CYP19A1: variants seen among roughly 807,000 people sequenced by gnomAD.
The protein encoded by CYP19A1 is cytochrome P450 family 19 subfamily A member 1.
CYP19A1 carries 32 observed loss-of-function variants against 44.4 expected under a neutral mutation model. That is an observed-to-expected ratio of 0.72 (90% CI 0.54 to 0.97). The LOEUF (loss-of-function observed/expected upper bound fraction) is 0.97. CYP19A1 is among the 50% of genes least tolerant of loss of function. The probability of loss-of-function intolerance (pLI) is 0.00; values close to 1 mark genes in which losing one functional copy is unlikely to be tolerated. For synonymous variants in CYP19A1, 212 were observed against 215.6 expected (o/e 0.98, Z 0.14); for missense variants, 598 against 637.8 (o/e 0.94, Z 0.67).
intron 1 of CYP19A1, among the ~76,000 whole-genome samples, chr15:51,333,392 T>G (rs2036730937): frequency 6.6e-6 from 1 of 152,060 alleles, no homozygotes; most frequent in African/African-American, 2.4e-5. Flanking sequence ...CCTGTACAAC[T>G]CCCTTACCTC....
intron 3 of CYP19A1, among the ~76,000 whole-genome samples, chr15:51,232,187 C>G (rs2033087292): frequency 6.6e-6 from 1 of 152,188 alleles, no homozygotes; most frequent in Admixed American, 6.5e-5. Context: ...TGATTCTTCT[C>G]CCCCGATTCT....
chr15:51,216,898 T>C (rs2031630143), intron 6 of CYP19A1, among the ~76,000 whole-genome samples: 1 of 152,176 alleles, frequency 6.6e-6, no homozygotes, highest in South Asian at 2.1e-4. Flanking sequence ...TTAATCTAAA[T>C]TCAATTTTTC....
intron 1 of CYP19A1, among the ~76,000 whole-genome samples, chr15:51,330,601 A>G (rs2036685077): frequency 6.6e-6 from 1 of 152,188 alleles, no homozygotes; most frequent in African/African-American, 2.4e-5. Context: ...TGGTGGTCAG[A>G]GGCCTCGGCA....
chr15:51,306,609 A>G (rs1222853892), intron 1 of CYP19A1, among the ~76,000 whole-genome samples: 1 of 152,224 alleles, frequency 6.6e-6, no homozygotes, highest in African/African-American at 2.4e-5. Flanking sequence ...TTTTAATGAC[A>G]AAGTTATCTT....
At chr15:51,223,693 G>A (rs957654116) in intron 4 of CYP19A1, among the ~76,000 whole-genome samples, 6 of 150,804 alleles carry the variant, frequency 4.0e-5, no homozygotes, top group Non-Finnish European at 7.4e-5. Flanking sequence ...TAAGAAAGGA[G>A]GCCTGAGGAC....
Position 51,212,551 on chromosome 15 carries a change from GTC to G in CYP19A1, c.1030_1031del (p.Asp344HisfsTer4). 6.7e-7 allele frequency: 1 copy of G among 1,482,646 alleles called. No individual in the cohort carries two copies. Among genetic ancestry groups the G allele is most frequent in the South Asian group, 1.1e-5 (1 of 88,392 alleles). 91.8% of individuals were successfully genotyped at this position (1,482,646 alleles called of 1,614,324 possible). On this transcript the variant is annotated frameshift_variant, in exon 9 of 10. Transcript: ENST00000396402. LOFTEE classifies it high-confidence loss of function. The part of the protein sequence containing the change: ...KEIQTVIGER[D>X]IKIDDIQKLK... ...ATTTTTGTATATCATCAATCTTTAT[GTC>G]TCTCTCACCTGTGGAAACAGATAAA...
In CYP19A1 at chr15:51,258,303, T is replaced by C. The variant is rs557649690; in HGVS notation, c.-38-15353A>G. On this transcript the variant is annotated intron_variant, in intron 1 of 9. Transcript: ENST00000396402. Reference sequence around the variant, plus strand: ...TTGCACACTTCCAAATCACAGTTCCTAGCCCACAGCACTTGTTGTTCTCTC... The same window carrying C: ...TTGCACACTTCCAAATCACAGTTCCCAGCCCACAGCACTTGTTGTTCTCTC... Among the ~76,000 whole-genome samples, 3 of 152,354 alleles carry C rather than the reference T, an allele frequency of 2.0e-5. No individual in the cohort carries two copies. In the South Asian group the frequency reaches 6.2e-4, roughly 32 times the overall value.
intron 1 of CYP19A1, chr15:51,280,053 A>G (rs1640836313): frequency 6.6e-6 from 1 of 152,118 alleles, no homozygotes; most frequent in South Asian, 2.1e-4. Context: ...GGCTCCCTCC[A>G]TAAGAGCCCG....
chr15:51,315,408 AC>A (rs1257927532), intron 1 of CYP19A1, among the ~76,000 whole-genome samples: 1 of 151,530 alleles, frequency 6.6e-6, no homozygotes, highest in Non-Finnish European at 1.5e-5. Context: ...CCCAGTCTAC[AC>A]CCAGAGTACC....
intron 1 of CYP19A1, among the ~76,000 whole-genome samples, chr15:51,291,958 T>C (rs1237297907): frequency 6.6e-6 from 1 of 151,812 alleles, no homozygotes; most frequent in Admixed American, 6.6e-5. Flanking sequence ...ACAAATAGGG[T>C]GGGAAAACAA....
intron 1 of CYP19A1, among the ~76,000 whole-genome samples, chr15:51,295,241 C>A (rs73405452): frequency 6.7e-6 from 1 of 150,220 alleles, no homozygotes; most frequent in Non-Finnish European, 1.5e-5. Flanking sequence ...AAGGATCATA[C>A]ATTATTCTTT....
At chr15:51,271,597 C>T (rs994505479) in intron 1 of CYP19A1, among the ~76,000 whole-genome samples, 5 of 152,190 alleles carry the variant, frequency 3.3e-5, no homozygotes, top group African/African-American at 1.2e-4. Context: ...GGTAGCTAAG[C>T]CTTAGACTTC....
intron 1 of CYP19A1, among the ~76,000 whole-genome samples, chr15:51,250,370 T>G (rs1163912063): frequency 1.3e-5 from 2 of 152,214 alleles, no homozygotes; most frequent in Non-Finnish European, 2.9e-5. Flanking sequence ...TTCTTCACAA[T>G]GACTTATTGG....
intron 1 of CYP19A1, among the ~76,000 whole-genome samples, chr15:51,277,781 A>G (rs1226124955): frequency 1.3e-5 from 2 of 152,194 alleles, no homozygotes; most frequent in Non-Finnish European, 2.9e-5. Flanking sequence ...ATGCCAATGA[A>G]ATATTTCAAG....
Position 51,323,000 on chromosome 15 carries a change from T to C in CYP19A1, c.-39+15495A>G, listed in dbSNP as rs28757085. On this transcript the variant is annotated intron_variant, in intron 1 of 9. Transcript: ENST00000396402. ...TCAATAATGGCTCCAAGGAATTCAG[T>C]GTTTTCTTCTGCACCAAATGAATGC... Among the ~76,000 whole-genome samples the C allele has an allele frequency of 3.2e-3, 481 of 152,348 alleles. 7 individuals carry two copies. The highest frequency in any genetic ancestry group is 0.028 in the Admixed American group (429 of 15,300).
At chr15:51,215,992 C>T in intron 6 of CYP19A1, 175 bp from the exon 7 acceptor site, 1 of 1,267,702 alleles carries the variant, frequency 7.9e-7, no homozygotes, top group South Asian at 1.6e-5. Flanking sequence ...TACATAGACC[C>T]TACACTTCAT....
chr15:51,336,488 G>T (rs574927678), intron 1 of CYP19A1, among the ~76,000 whole-genome samples: 1 of 152,264 alleles, frequency 6.6e-6, no homozygotes, highest in East Asian at 1.9e-4. Context: ...TTTTAGGGTG[G>T]CTCTCTCCCT....
intron 1 of CYP19A1, among the ~76,000 whole-genome samples, chr15:51,329,708 A>G (rs575092148): frequency 2.8e-4 from 43 of 152,338 alleles, no homozygotes; most frequent in African/African-American, 9.6e-4. Flanking sequence ...CTCAGAAAGA[A>G]ATTGTAAGGG....
At position 51,282,735 on chromosome 15, in the gene CYP19A1, A is replaced by G. The variant is rs143837499; in HGVS notation, c.-38-39785T>C. ...GCGACAAAGGCCCTGGTGAAGGAAC[A>G]CTAGAGCATGTGAAAGCAGGGGATG... is the stretch of plus-strand genomic sequence containing the variant. On this transcript the variant is annotated intron_variant, in intron 1 of 9. Coordinates refer to ENST00000396402, the MANE Select transcript of CYP19A1 (RefSeq NM_000103.4). Among the ~76,000 whole-genome samples, 4 of 152,374 alleles carry G rather than the reference A, an allele frequency of 2.6e-5. No homozygotes were observed. In the East Asian group the frequency reaches 7.7e-4, roughly 29 times the overall value.
Sources: allele counts gnomAD v4.1 joint callset (sites outside exome capture counted in the v4.1 genomes callset), GRCh38; gene constraint gnomAD v4.1.1; transcripts MANE v1.5; gene names NCBI Gene and HGNC (gene_info 2026-07-23, HGNC 2026-07-21).